Variants in KHDRBS2 observed in about 807,000 individuals in gnomAD.
The protein encoded by KHDRBS2 is KH domain-containing, RNA-binding, signal transduction-associated protein 2.
A neutral mutation model predicts 44.3 loss-of-function variants in KHDRBS2; 26 were observed. That is an observed-to-expected ratio of 0.59 (90% confidence interval 0.43 to 0.81). KHDRBS2 has a LOEUF of 0.81. Among genes scored for constraint, KHDRBS2 ranks in the 40% least tolerant of loss-of-function variants. The pLI, the probability that KHDRBS2 is intolerant of heterozygous loss-of-function variation, is 0.00. For synonymous variants in KHDRBS2, 194 were observed against 151.1 expected (o/e 1.28, Z -2.08); for missense variants, 476 against 433.1 (o/e 1.10, Z -0.88).
At chr6:62,087,664 T>C (rs977115932) in intron 2 of KHDRBS2, among the ~76,000 whole-genome samples, 2 of 152,182 alleles carry the variant, frequency 1.3e-5, no homozygotes, top group Admixed American at 1.3e-4. Context: ...CTGATCATTA[T>C]GTGTCTTGAG....
chr6:61,617,996 G>C, the KHDRBS2 span, among the ~76,000 whole-genome samples: 2 of 151,894 alleles, frequency 1.3e-5, no homozygotes, highest in Non-Finnish European at 2.9e-5. Context: ...TATTTCTTTA[G>C]CCTATCTTTG....
At chr6:61,670,120 T>A in the KHDRBS2 span, among the ~76,000 whole-genome samples, 1 of 151,498 alleles carries the variant, frequency 6.6e-6, no homozygotes, top group East Asian at 2.0e-4. Flanking sequence ...ACTACATATT[T>A]ACTTTACATA....
At chr6:61,750,669 T>A in intron 6 of KHDRBS2, among the ~76,000 whole-genome samples, 1 of 152,072 alleles carries the variant, frequency 6.6e-6, no homozygotes, top group East Asian at 1.9e-4. Flanking sequence ...ATATCTTGTT[T>A]TCAACTTTCT....
At chr6:61,951,025 T>G (rs181666145) in intron 4 of KHDRBS2, among the ~76,000 whole-genome samples, 4 of 151,872 alleles carry the variant, frequency 2.6e-5, no homozygotes, top group African/African-American at 9.7e-5. Flanking sequence ...AGGCATGAGA[T>G]GGAATGGAGA....
intron 1 of KHDRBS2, among the ~76,000 whole-genome samples, chr6:62,267,944 A>G (rs973620380): frequency 3.3e-5 from 5 of 152,098 alleles, no homozygotes; most frequent in African/African-American, 1.2e-4. Flanking sequence ...ATCGATATTT[A>G]TATGTTATCT....
intron 4 of KHDRBS2, among the ~76,000 whole-genome samples, chr6:61,969,970 T>C (rs1363094601): frequency 6.6e-6 from 1 of 151,826 alleles, no homozygotes; most frequent in East Asian, 1.9e-4. Flanking sequence ...ATTATAGAAG[T>C]CAAGCCCTAA....
Position 61,894,825 on chromosome 6 carries a change from C to A in KHDRBS2, c.620G>T (p.Gly207Val). Residue 207 changes from glycine to valine, a missense_variant, in exon 6 of 9, where the codon GGG becomes GTG. By Grantham distance (109) the Gly-to-Val change is moderately radical. Coordinates refer to ENST00000281156, the MANE Select transcript of KHDRBS2 (RefSeq NM_152688.4). ...TGGTGGGGGAGGAGGAATGGCACCC[C>A]CACGGCCCCTAAGAGAAACAAGTCA... Reference protein sequence around the residue: ...IAPTAPSRGRGGAIPPPPPPG... With the variant: ...IAPTAPSRGRVGAIPPPPPPG... 2 of 1,611,368 alleles carry A rather than the reference C, an allele frequency of 1.2e-6. No individual in the cohort carries two copies.
At chr6:61,969,379 A>C (rs1770838511) in intron 4 of KHDRBS2, among the ~76,000 whole-genome samples, 1 of 152,058 alleles carries the variant, frequency 6.6e-6, no homozygotes, top group Admixed American at 6.6e-5. Flanking sequence ...AGAATATTAT[A>C]AAATATGTTT....
chr6:62,108,057 C>T (rs574996750), intron 2 of KHDRBS2, among the ~76,000 whole-genome samples: 5 of 152,200 alleles, frequency 3.3e-5, no homozygotes, highest in African/African-American at 9.6e-5. Flanking sequence ...GTCTAAAACA[C>T]CAAAAGCAAT....
chr6:61,962,524 G>A (rs1469587320), intron 4 of KHDRBS2, among the ~76,000 whole-genome samples: 1 of 151,922 alleles, frequency 6.6e-6, no homozygotes, highest in Non-Finnish European at 1.5e-5. Context: ...ACTAAATTTG[G>A]ATGTGACCTT....
chr6:61,620,954 C>A, the KHDRBS2 span, among the ~76,000 whole-genome samples: 1 of 152,176 alleles, frequency 6.6e-6, no homozygotes, highest in African/African-American at 2.4e-5. Flanking sequence ...TATTCCTACC[C>A]CTCTCTTTTA....
At chr6:61,958,087 C>T (rs1767819358) in intron 4 of KHDRBS2, among the ~76,000 whole-genome samples, 1 of 152,084 alleles carries the variant, frequency 6.6e-6, no homozygotes, top group Admixed American at 6.6e-5. Context: ...TTCTGATTGA[C>T]CTAGTCTCTA....
intron 3 of KHDRBS2, among the ~76,000 whole-genome samples, chr6:62,032,860 GA>G (rs1182617699): frequency 5.3e-5 from 8 of 151,728 alleles, no homozygotes; most frequent in African/African-American, 1.9e-4. Context: ...CTCACCAAAT[GA>G]ACTAAATAAG....
chr6:61,930,029 G>A (rs1174004469), intron 4 of KHDRBS2, among the ~76,000 whole-genome samples: 1 of 152,128 alleles, frequency 6.6e-6, no homozygotes. Context: ...AAGTCATGAA[G>A]GCAGAGCCTT....
intron 4 of KHDRBS2, among the ~76,000 whole-genome samples, chr6:61,956,928 A>ATCATCATCG (rs1207635755): frequency 1.3e-5 from 2 of 151,732 alleles, no homozygotes; most frequent in East Asian, 3.9e-4. Context: ...CATCATCATC[A>ATCATCATCG]TCATCATCAT....
intron 1 of KHDRBS2, among the ~76,000 whole-genome samples, chr6:62,248,157 T>C (rs1246730279): frequency 6.6e-5 from 10 of 151,906 alleles, no homozygotes; most frequent in African/African-American, 2.4e-4. Context: ...TAAATTAAGG[T>C]TGTGAGTATT....
chr6:62,075,963 AT>A lies in KHDRBS2; in HGVS notation c.220-27970del, dbSNP rs779650389. 1.3e-4 allele frequency among the ~76,000 whole-genome samples: 19 copies of A among 150,290 alleles called. No individual in the cohort carries two copies. The East Asian group carries it at 1.8e-3, about 14-fold the overall frequency. ...ATTTTTTTGATCAATTTGAATGTAGATTTTTTTTGCTGTTATGCTTTTACTC... is the reference window on the plus strand; with the variant it reads ...ATTTTTTTGATCAATTTGAATGTAGATTTTTTTGCTGTTATGCTTTTACTC... On this transcript the variant is annotated intron_variant, in intron 2 of 8. Coordinates refer to ENST00000281156, the MANE Select transcript of KHDRBS2 (RefSeq NM_152688.4).
At chr6:61,939,906 A>C (rs1380000354) in intron 4 of KHDRBS2, among the ~76,000 whole-genome samples, 2 of 152,220 alleles carry the variant, frequency 1.3e-5, no homozygotes, top group African/African-American at 2.4e-5. Flanking sequence ...ACATTAGAGC[A>C]GAATGTTTTG....
chr6:61,912,303 T>A (rs1055775210), intron 4 of KHDRBS2, among the ~76,000 whole-genome samples: 2 of 152,128 alleles, frequency 1.3e-5, no homozygotes, highest in Non-Finnish European at 2.9e-5. Flanking sequence ...AAATTAGAAT[T>A]ACAAAATGAA....
Sources: gnomAD v4.1 joint callset for allele counts (sites outside exome capture counted in the v4.1 genomes callset) on GRCh38, gnomAD v4.1.1 for gene constraint, MANE v1.5 for transcripts, NCBI Gene and HGNC (gene_info 2026-07-23, HGNC 2026-07-21) for gene names.